SLC15A2: variants seen among roughly 807,000 people sequenced by gnomAD.
SLC15A2 encodes kidney H(+)/peptide cotransporter.
In SLC15A2, 77 loss-of-function variants were observed where a neutral mutation model predicts 95.5. The ratio of observed to expected loss-of-function variants is 0.81; its 90% CI spans 0.67 to 0.97. The LOEUF is 0.97. SLC15A2 is among the 50% of genes least tolerant of loss of function. The pLI is 0.00. For missense variants in SLC15A2, 893 were observed against 874.4 expected (o/e 1.02, Z -0.27); for synonymous variants, 306 against 306.9 (o/e 1.00, Z 0.03).
chr3:121,938,333 C>T (rs1165677333), intron 19 of SLC15A2, among the ~76,000 whole-genome samples: 1 of 152,256 alleles, frequency 6.6e-6, no homozygotes, highest in African/African-American at 2.4e-5. Context: ...CCTAAGCAAG[C>T]CTGGGCAATG....
At chr3:121,921,376 A>T (rs1710002053) in intron 7 of SLC15A2, among the ~76,000 whole-genome samples, 2 of 152,212 alleles carry the variant, frequency 1.3e-5, no homozygotes, top group Admixed American at 1.3e-4. Context: ...GATTAAATAC[A>T]TAGATTTTTG....
intron 19 of SLC15A2, among the ~76,000 whole-genome samples, chr3:121,937,484 A>C (rs995400357): frequency 3.5e-5 from 5 of 142,766 alleles, no homozygotes; most frequent in African/African-American, 1.3e-4. Context: ...TTTTTTCTCT[A>C]AACTTCCCTT....
Position 121,907,593 on chromosome 3 carries a change from C to T in SLC15A2, c.336-3981C>T, listed in dbSNP as rs537979858. ...CTATTTCTTCCTTTTTATTAGTTTT[C>T]CTTCTAACAGTCAGGTCCCTCAGCT... On this transcript the variant is annotated intron_variant, in intron 3 of 21. Transcript: ENST00000489711. Among the ~76,000 whole-genome samples, 232 of 152,264 alleles carry T rather than the reference C, an allele frequency of 1.5e-3. No homozygotes were observed. In the Middle Eastern group the frequency reaches 0.017, roughly 11 times the overall value.
chr3:121,924,270 T>C, intron 11 of SLC15A2, 81 bp from the exon 12 acceptor site: 2 of 1,216,526 alleles, frequency 1.6e-6, no homozygotes, highest in South Asian at 1.2e-5. Flanking sequence ...ACTTGCTAAC[T>C]AGCAAAATTA....
chr3:121,922,928 A>G, intron 9 of SLC15A2, 67 bp downstream of exon 9: 2 of 1,542,582 alleles, frequency 1.3e-6, no homozygotes, highest in Non-Finnish European at 1.8e-6. Context: ...AAATGATTCT[A>G]TCCTACTGCA....
At chr3:121,899,304 A>G (rs1576667628) in intron 3 of SLC15A2, among the ~76,000 whole-genome samples, 1 of 152,090 alleles carries the variant, frequency 6.6e-6, no homozygotes, top group Non-Finnish European at 1.5e-5. Context: ...CACAAATTCA[A>G]AAGCCTTAAC....
intron 8 of SLC15A2, 52 bp from the exon 9 acceptor site, chr3:121,922,723 C>T: frequency 7.4e-7 from 1 of 1,346,428 alleles, no homozygotes; most frequent in Non-Finnish European, 1.1e-6. Flanking sequence ...TTGGAAAAGG[C>T]AGAGGATGTT....
In SLC15A2 at chr3:121,894,511, C is replaced by T. The variant is rs1395204863; in HGVS notation, c.35C>T (p.Thr12Ile). The T allele has an allele frequency of 3.1e-6, 5 of 1,613,494 alleles. No homozygotes were observed. Among genetic ancestry groups the T allele is most frequent in the East Asian group, 2.2e-5 (1 of 44,828 alleles). The change falls in exon 1 of 22, where the codon ACT (threonine) becomes ATT (isoleucine). Residue 12 changes from threonine to isoleucine, a missense_variant. Physicochemically the swap from Thr to Ile is moderately conservative, Grantham distance 89. Coordinates refer to ENST00000489711, the MANE Select transcript of SLC15A2 (RefSeq NM_021082.4). ...TTCCAGAAAAATGAGTCCAAGGAAA[C>T]TCTTTTTTCACCTGTCTCCATTGAA... Reference protein sequence around the residue: ...NPFQKNESKETLFSPVSIEEV... With the variant: ...NPFQKNESKEILFSPVSIEEV...
rs1375311034 is a variant in SLC15A2 at position 121,894,403 on chromosome 3, AG to A, written c.-73del. On this transcript the variant is annotated 5_prime_UTR_variant, in exon 1 of 22. Coordinates refer to ENST00000489711, the MANE Select transcript of SLC15A2 (RefSeq NM_021082.4). ...TCCCCCTCCCAGTCCTTCTTTTCAG[AG>A]TAGGCTGGCAGCTGTCCTAACTGCC... The A allele has an allele frequency of 8.6e-7, 1 of 1,161,986 alleles. No individual in the cohort carries two copies. The highest frequency in any genetic ancestry group is 1.3e-6 in the Non-Finnish European group (1 of 798,826). The allele number at this position is 1,161,986 out of a possible 1,614,324, so 72.0% of individuals were successfully genotyped here. A position where few individuals can be genotyped will look rare whatever the true frequency, so the allele number is the denominator to read the frequency against.
At chr3:121,913,500 T>G (rs1013937506) in intron 5 of SLC15A2, among the ~76,000 whole-genome samples, 1 of 152,164 alleles carries the variant, frequency 6.6e-6, no homozygotes, top group Admixed American at 6.5e-5. Context: ...GTGGAAAAAC[T>G]TCAAACAATT....
At chr3:121,902,277 C>G (rs924147681) in intron 3 of SLC15A2, among the ~76,000 whole-genome samples, 3 of 152,164 alleles carry the variant, frequency 2.0e-5, no homozygotes, top group Non-Finnish European at 4.4e-5. Flanking sequence ...CCAGGCTCAT[C>G]AGTTTTGATT....
chr3:121,923,707 A>G (rs1710053884), intron 11 of SLC15A2, among the ~76,000 whole-genome samples: 3 of 152,176 alleles, frequency 2.0e-5, no homozygotes, highest in African/African-American at 7.2e-5. Context: ...AGAAGGTTAT[A>G]CGTATTATTT....
At chr3:121,901,823 GT>G (rs1709525614) in intron 3 of SLC15A2, among the ~76,000 whole-genome samples, 1 of 148,786 alleles carries the variant, frequency 6.7e-6, no homozygotes, top group African/African-American at 2.5e-5. Context: ...CCTCTCATAT[GT>G]TTCTCTGCCT....
chr3:121,894,895 G>T (rs1709388963), intron 1 of SLC15A2, among the ~76,000 whole-genome samples: 1 of 152,182 alleles, frequency 6.6e-6, no homozygotes, highest in African/African-American at 2.4e-5. Flanking sequence ...CTTGTCTGAA[G>T]AACTGTGTGT....
At chr3:121,935,037 T>A (rs1710310650) in intron 19 of SLC15A2, among the ~76,000 whole-genome samples, 1 of 152,220 alleles carries the variant, frequency 6.6e-6, no homozygotes, top group African/African-American at 2.4e-5. Context: ...GGTTTTTGTC[T>A]TTGTTTCTGT....
intron 8 of SLC15A2, 108 bp downstream of exon 8, chr3:121,922,410 T>C: frequency 1.3e-6 from 1 of 786,004 alleles, no homozygotes. Context: ...ATGACCTCTA[T>C]TCTATTTTCA....
intron 19 of SLC15A2, among the ~76,000 whole-genome samples, chr3:121,936,530 T>A (rs959812409): frequency 2.0e-5 from 3 of 152,106 alleles, no homozygotes; most frequent in East Asian, 1.9e-4. Context: ...TGGCCTTCTT[T>A]GTCTCTTTTG....
intron 14 of SLC15A2, among the ~76,000 whole-genome samples, chr3:121,928,128 A>G (rs1710158120): frequency 6.6e-6 from 1 of 152,214 alleles, no homozygotes; most frequent in Non-Finnish European, 1.5e-5. Context: ...ATGCCTTTCT[A>G]CATACTCAAG....
intron 19 of SLC15A2, among the ~76,000 whole-genome samples, chr3:121,934,614 G>A (rs997830799): frequency 2.6e-5 from 4 of 151,454 alleles, no homozygotes; most frequent in Non-Finnish European, 5.9e-5. Flanking sequence ...CATTGATTTT[G>A]TATCCTGAGA....
Sources: gnomAD v4.1 joint callset for allele counts (sites outside exome capture counted in the v4.1 genomes callset) on GRCh38, gnomAD v4.1.1 for gene constraint, MANE v1.5 for transcripts, NCBI Gene and HGNC (gene_info 2026-07-23, HGNC 2026-07-21) for gene names.